SYNE1: variants seen among roughly 807,000 people sequenced by gnomAD.
SYNE1 encodes spectrin repeat containing nuclear envelope protein 1.
Under a neutral mutation model 1,111.0 loss-of-function variants are expected in SYNE1, and 616 were observed. The ratio of observed to expected loss-of-function variants is 0.55; its 90% CI spans 0.52 to 0.59. SYNE1 has a LOEUF of 0.59. SYNE1 is among the 20% of genes least tolerant of loss of function. SYNE1 has a pLI of 0.00. For synonymous variants in SYNE1, 3,855 were observed against 3,825.8 expected (o/e 1.01, Z -0.28); for missense variants, 10,006 against 10,417.0 (o/e 0.96, Z 1.72).
intron 11 of SYNE1, among the ~76,000 whole-genome samples, chr6:152,490,801 T>C (rs1235126441): frequency 1.3e-5 from 2 of 152,158 alleles, no homozygotes; most frequent in Non-Finnish European, 2.9e-5. Context: ...TCCCCTGTCC[T>C]CACCCTCACT....
At chr6:152,480,354 C>T (rs928126216) in intron 14 of SYNE1, among the ~76,000 whole-genome samples, 2 of 152,062 alleles carry the variant, frequency 1.3e-5, no homozygotes, top group Non-Finnish European at 2.9e-5. Flanking sequence ...AACCACATAT[C>T]TACTAAAAAT....
At chr6:152,238,169 G>A (rs2084668129) in intron 108 of SYNE1, among the ~76,000 whole-genome samples, 2 of 152,184 alleles carry the variant, frequency 1.3e-5, no homozygotes, top group Admixed American at 1.3e-4. Context: ...AGGGGTGGGA[G>A]GGAGTGCCCA....
At chr6:152,234,998 G>A (rs1033492804) in intron 110 of SYNE1, among the ~76,000 whole-genome samples, 198 bp from the exon 111 acceptor site, 1 of 152,150 alleles carries the variant, frequency 6.6e-6, no homozygotes, top group Non-Finnish European at 1.5e-5. Context: ...CCGCTGGCCT[G>A]TCTTTAAGCT....
chr6:152,287,784 T>A (rs1409571441), intron 95 of SYNE1, among the ~76,000 whole-genome samples: 1 of 152,188 alleles, frequency 6.6e-6, no homozygotes, highest in Non-Finnish European at 1.5e-5. Flanking sequence ...TAGGCTCAAG[T>A]GATCTGCCCG....
chr6:152,427,148 T>A (rs2098371209), intron 38 of SYNE1, among the ~76,000 whole-genome samples: 1 of 152,222 alleles, frequency 6.6e-6, no homozygotes, highest in Non-Finnish European at 1.5e-5. Flanking sequence ...AAAATTGGCT[T>A]CTTCAAGTAT....
chr6:152,284,486 T>TCTCA (rs1311219093), intron 95 of SYNE1, among the ~76,000 whole-genome samples: 2 of 151,936 alleles, frequency 1.3e-5, no homozygotes, highest in Non-Finnish European at 2.9e-5. Context: ...AGAGACAGAG[T>TCTCA]CTCACTCTGT....
intron 130 of SYNE1, among the ~76,000 whole-genome samples, chr6:152,171,860 A>G (rs913312706): frequency 2.6e-5 from 4 of 152,232 alleles, no homozygotes; most frequent in Non-Finnish European, 5.9e-5. Flanking sequence ...GCTAATAGCA[A>G]CAGAGACTAT....
At chr6:152,300,259 C>A (rs7751093) in intron 93 of SYNE1, among the ~76,000 whole-genome samples, 1 of 152,054 alleles carries the variant, frequency 6.6e-6, no homozygotes, top group Non-Finnish European at 1.5e-5. Flanking sequence ...AATGCCAGCA[C>A]TATTTTCAAT....
chr6:152,267,467 G>A (rs764551821), intron 100 of SYNE1, among the ~76,000 whole-genome samples: 1 of 152,114 alleles, frequency 6.6e-6, no homozygotes. Flanking sequence ...AGTGACCTTC[G>A]TGGAACTAGA....
chr6:152,190,498 G>A (rs1563349903), intron 127 of SYNE1, among the ~76,000 whole-genome samples: 3 of 152,040 alleles, frequency 2.0e-5, no homozygotes, highest in Admixed American at 6.6e-5. Flanking sequence ...ACATATATAT[G>A]GGGTATATGA....
At chr6:152,280,653 C>T (rs986066379) in intron 97 of SYNE1, among the ~76,000 whole-genome samples, 1 of 152,122 alleles carries the variant, frequency 6.6e-6, no homozygotes, top group East Asian at 1.9e-4. Flanking sequence ...GATATCTTCA[C>T]AAGAGAGAGG....
intron 48 of SYNE1, among the ~76,000 whole-genome samples, 187 bp from the exon 49 acceptor site, chr6:152,398,918 T>A (rs1193137898): frequency 6.6e-6 from 1 of 152,160 alleles, no homozygotes; most frequent in Non-Finnish European, 1.5e-5. Context: ...CAGCCATGAA[T>A]GTTCATGGTA....
intron 127 of SYNE1, among the ~76,000 whole-genome samples, chr6:152,200,150 C>A (rs892423927): frequency 2.0e-5 from 3 of 152,186 alleles, no homozygotes; most frequent in African/African-American, 7.2e-5. Context: ...CCAACTGTTT[C>A]AGACGCACAG....
At chr6:152,363,290 C>G (rs1184903647) in intron 63 of SYNE1, among the ~76,000 whole-genome samples, 1 of 148,444 alleles carries the variant, frequency 6.7e-6, no homozygotes. Flanking sequence ...GTCAGGAGAT[C>G]AAGGCCATCC....
rs17842543 is a variant in SYNE1, at chr6:152,510,113, G to A, written c.581+80C>T. The A allele has an allele frequency of 0.063, 86,422 of 1,369,412 alleles. 3,153 individuals are homozygous for A. Among genetic ancestry groups the A allele is most frequent in the African/African-American group, 0.12 (8,648 of 69,992 alleles). The allele number at this position is 1,369,412 out of a possible 1,614,324, so 84.8% of individuals were successfully genotyped here. On this transcript the variant is annotated intron_variant, in intron 8 of 145. Coordinates refer to ENST00000367255, the MANE Select transcript of SYNE1 (RefSeq NM_182961.4). ...TCATTCAAATGTCTCTTCACATTTC[G>A]CAATCATTAGAAGTTGCAATTAGTA... is the stretch of plus-strand genomic sequence containing the variant.
chr6:152,444,602 AC>A, intron 29 of SYNE1, 24 bp from the exon 30 acceptor site: 1 of 1,566,696 alleles, frequency 6.4e-7, no homozygotes, highest in Non-Finnish European at 8.7e-7. Flanking sequence ...AAAAAAAAAA[AC>A]ACGTAAATCA....
chr6:152,222,480 A>C (rs2080415828), intron 117 of SYNE1, among the ~76,000 whole-genome samples: 1 of 152,250 alleles, frequency 6.6e-6, no homozygotes, highest in Non-Finnish European at 1.5e-5. Context: ...CAGCTTTGCC[A>C]AGCTTTATCT....
chr6:152,260,462 G>A (rs1386924154), intron 101 of SYNE1, among the ~76,000 whole-genome samples: 1 of 152,206 alleles, frequency 6.6e-6, no homozygotes, highest in Non-Finnish European at 1.5e-5. Context: ...CAGGAATACA[G>A]TGCTTTAAGT....
intron 12 of SYNE1, among the ~76,000 whole-genome samples, chr6:152,486,966 T>A (rs994966381): frequency 3.3e-5 from 5 of 152,212 alleles, no homozygotes; most frequent in African/African-American, 1.2e-4. Flanking sequence ...TATTTAATTT[T>A]GCCACTAAAA....
Sources: gnomAD v4.1 joint callset for allele counts (sites outside exome capture counted in the v4.1 genomes callset) on GRCh38, gnomAD v4.1.1 for gene constraint, MANE v1.5 for transcripts, NCBI Gene and HGNC (gene_info 2026-07-23, HGNC 2026-07-21) for gene names.